Variants in LENG8 observed in about 807,000 individuals in gnomAD.
LENG8 encodes leukocyte receptor cluster member 8, also known as leukocyte receptor cluster (LRC) member 8.
A neutral mutation model predicts 102.1 loss-of-function variants in LENG8; 28 were observed. That is an observed-to-expected ratio of 0.27 (90% CI 0.20 to 0.38). The LOEUF is 0.38. LENG8 is among the 10% of genes least tolerant of loss of function. The probability of loss-of-function intolerance (pLI) is 1.00; values close to 1 mark genes in which losing one functional copy is unlikely to be tolerated. For missense variants in LENG8, 1,022 were observed against 1,113.9 expected (o/e 0.92, Z 1.17); for synonymous variants, 531 against 456.7 (o/e 1.16, Z -2.07).
At chr19:54,451,955 G>A (rs2083981572) in intron 2 of LENG8, 138 bp from the exon 3 acceptor site, 1 of 733,092 alleles carries the variant, frequency 1.4e-6, no homozygotes, top group Non-Finnish European at 2.2e-6. Context: ...TATCAGCATA[G>A]TACAGATTAG....
At chr19:54,454,835 G>A in intron 6 of LENG8, 116 bp from the exon 7 acceptor site, 1 of 1,461,524 alleles carries the variant, frequency 6.8e-7, no homozygotes, top group Non-Finnish European at 9.3e-7. Context: ...CATGTGTGCT[G>A]GAGCCCTCCT....
intron 15 of LENG8, 98 bp downstream of exon 15, chr19:54,458,619 C>G: frequency 6.4e-7 from 1 of 1,573,218 alleles, no homozygotes; most frequent in Non-Finnish European, 8.6e-7. Flanking sequence ...TCCCCCAGCC[C>G]CCAACCCTTG....
chr19:54,460,674 G>A, intron 15 of LENG8, 92 bp from the exon 16 acceptor site: 1 of 1,452,718 alleles, frequency 6.9e-7, no homozygotes, highest in South Asian at 1.5e-5. Flanking sequence ...GAAATCCTGT[G>A]GGCACCCGAA....
chr19:54,449,779 C>T (rs914203805), intron 1 of LENG8: 4 of 152,364 alleles, frequency 2.6e-5, no homozygotes, highest in East Asian at 1.9e-4. Context: ...CGTCTGATGC[C>T]TGTCTCTGTT....
chr19:54,457,858 G>A lies in LENG8; in HGVS notation c.1833+10G>A, dbSNP rs911610387. ...CCGGCAGGATCTGACGGTGAGACTCGCGCTGGGAGGGGCCTGGCCTCAGCC... is the reference window on the plus strand; with the variant it reads ...CCGGCAGGATCTGACGGTGAGACTCACGCTGGGAGGGGCCTGGCCTCAGCC... On this transcript the variant is annotated intron_variant, in intron 12 of 15. Transcript: ENST00000326764. 11 of 1,613,708 alleles carry A rather than the reference G, an allele frequency of 6.8e-6. No homozygotes were observed. Among genetic ancestry groups the A allele is most frequent in the Admixed American group, 6.7e-5 (4 of 60,030 alleles).
chr19:54,460,952 G>T lies in LENG8; in HGVS notation c.*24G>T, dbSNP rs764732051. ...GAGCACCCAGCGAGGAGGGGCGGGG[G>T]CAGGGGCTGCAGCCCCCAGCGCTGC... is the stretch of plus-strand genomic sequence containing the variant. On this transcript the variant is annotated 3_prime_UTR_variant, in exon 16 of 16. Coordinates refer to ENST00000326764, the MANE Select transcript of LENG8 (RefSeq NM_052925.4). 1.0e-5 allele frequency: 16 copies of T among 1,539,320 alleles called. No individual in the cohort carries two copies. In the South Asian group the frequency reaches 1.5e-4, roughly 15 times the overall value.
chr19:54,458,781 C>T (rs1424681041), intron 15 of LENG8: 2 of 1,551,112 alleles, frequency 1.3e-6, no homozygotes, highest in African/African-American at 2.7e-5. Flanking sequence ...CTCTTCTCCA[C>T]CCCATCTGTG....
In LENG8 at chr19:54,460,746, T is replaced by TTC; in HGVS notation, c.2241-17_2241-16dup. Reference sequence around the variant, plus strand: ...CCTCCCGCCCGCCCGCCTCATCACCTTCTCCTCTTGTCTCCATAGCTTCCG... The same window carrying TTC: ...CCTCCCGCCCGCCCGCCTCATCACCTTCTCTCCTCTTGTCTCCATAGCTTCCG... On this transcript the variant is annotated intron_variant, in intron 15 of 15. Transcript: ENST00000326764. 3.7e-6 allele frequency: 1 copy of TTC among 268,708 alleles called. No individual in the cohort carries two copies. The highest frequency in any genetic ancestry group is 5.7e-6 in the Non-Finnish European group (1 of 174,952). The allele number at this position is 268,708 out of a possible 1,614,324, so 16.6% of individuals were successfully genotyped here. A position where few individuals can be genotyped will look rare whatever the true frequency, so the allele number is the denominator to read the frequency against.
rs761478188 is a variant in LENG8 at position 54,457,919 on chromosome 19, G to A, written c.1834-15G>A. 2.3e-5 allele frequency: 37 copies of A among 1,613,750 alleles called. No homozygotes were observed. Among genetic ancestry groups the A allele is most frequent in the Non-Finnish European group, 2.8e-5 (33 of 1,179,998 alleles). ...CCCGCTCCTTGTGACTCTTGTTCTC[G>A]CCCCGCTGCCCCAGGTGCAGGGCAT... On this transcript the variant is annotated splice_polypyrimidine_tract_variant and intron_variant, in intron 12 of 15. Transcript: ENST00000326764.
chr19:54,457,888 C>G (rs769584657), intron 12 of LENG8, 40 bp downstream of exon 12: 1 of 1,613,628 alleles, frequency 6.2e-7, no homozygotes, highest in South Asian at 1.1e-5. Flanking sequence ...TCAGCCAGTC[C>G]TGCCTCCCGC....
chr19:54,452,567 C>T, intron 3 of LENG8, 84 bp from the exon 4 acceptor site: 1 of 1,122,790 alleles, frequency 8.9e-7, no homozygotes, highest in South Asian at 1.2e-5. Context: ...TGGCAATTGG[C>T]CACCAGTAAA....
rs769698205 is a variant in LENG8 at position 54,455,097 on chromosome 19, C to T, written c.821+5C>T. 7.4e-6 allele frequency: 12 copies of T among 1,614,168 alleles called. No homozygotes were observed. The highest frequency in any genetic ancestry group is 9.3e-6 in the Non-Finnish European group (11 of 1,180,004). ...TGAGAAAGTTCAGAACCACAGGTGA[C>T]GTCTGCCCCCTTGCCCCGTCGCAGC... On this transcript the variant is annotated splice_donor_5th_base_variant and intron_variant, in intron 7 of 15. Coordinates refer to ENST00000326764, the MANE Select transcript of LENG8 (RefSeq NM_052925.4).
At position 54,452,635 on chromosome 19, in the gene LENG8, G is replaced by T. The variant is rs570102297; in HGVS notation, c.214-16G>T. 3.3e-3 allele frequency: 3,900 copies of T among 1,179,644 alleles called. 17 individuals are homozygous for T. The highest frequency in any genetic ancestry group is 0.014 in the Middle Eastern group (70 of 4,832). The allele number at this position is 1,179,644 out of a possible 1,614,324, so 73.1% of individuals were successfully genotyped here. A position where few individuals can be genotyped will look rare whatever the true frequency, so the allele number is the denominator to read the frequency against. Reference sequence around the variant, plus strand: ...GATTTGGGCTGCTGACGGCACATGTGCCTCTGCTTCCACAGTACGTGTCCC... The same window carrying T: ...GATTTGGGCTGCTGACGGCACATGTTCCTCTGCTTCCACAGTACGTGTCCC... On this transcript the variant is annotated splice_polypyrimidine_tract_variant and intron_variant, in intron 3 of 15. Coordinates refer to ENST00000326764, the MANE Select transcript of LENG8 (RefSeq NM_052925.4).
rs748087868 is a variant in LENG8, at chr19:54,456,111, C to T, written c.1170C>T (p.Ala390=). The T allele has an allele frequency of 9.3e-6, 15 of 1,609,324 alleles. No homozygotes were observed. The highest frequency in any genetic ancestry group is 2.2e-5 in the East Asian group (1 of 44,786). Residue 390 remains alanine (A), a synonymous_variant, in exon 9 of 16, where the codon GCC becomes GCT. Coordinates refer to ENST00000326764, the MANE Select transcript of LENG8 (RefSeq NM_052925.4). ...SQRGTPGAGG[A]GRARGNSFTK... ...GAGGGACGCCCGGGGCTGGGGGTGCCGGTCGAGCCCGGGGCAACAGCTTCA... is the reference window on the plus strand; with the variant it reads ...GAGGGACGCCCGGGGCTGGGGGTGCTGGTCGAGCCCGGGGCAACAGCTTCA...
chr19:54,452,341 T>C, intron 3 of LENG8, 74 bp downstream of exon 3: 2 of 1,347,010 alleles, frequency 1.5e-6, no homozygotes, highest in Non-Finnish European at 2.0e-6. Flanking sequence ...CGTCCTGTTG[T>C]ATCATTCAGA....
At chr19:54,460,718 T>TGGCC in intron 15 of LENG8, 48 bp from the exon 16 acceptor site, 1 of 1,048,034 alleles carries the variant, frequency 9.5e-7, no homozygotes, top group Non-Finnish European at 1.3e-6. Flanking sequence ...GGCCCTCCCC[T>TGGCC]GCCCTCCCGC....
intron 15 of LENG8, chr19:54,458,789 G>C (rs2084387139): frequency 1.3e-6 from 2 of 1,550,982 alleles, no homozygotes; most frequent in African/African-American, 1.4e-5. Flanking sequence ...CACCCCATCT[G>C]TGTGTCTCTT....
rs777472313 is a variant in LENG8, at chr19:54,456,729, A to G, written c.1539A>G (p.Ala513=). 12 of 1,612,712 alleles carry G rather than the reference A, an allele frequency of 7.4e-6. No homozygotes were observed. The highest frequency in any genetic ancestry group is 1.0e-5 in the Non-Finnish European group (12 of 1,179,612). Residue 513 remains alanine, a synonymous_variant, in exon 11 of 16, where the codon GCA becomes GCG. Coordinates refer to ENST00000326764, the MANE Select transcript of LENG8 (RefSeq NM_052925.4). ...PERELKKQKR[A]ARFQHGHSRR... ...GAGAGCTGAAGAAGCAGAAGCGGGC[A>G]GCCCGCTTCCAGCACGGACACTCCC...
chr19:54,456,754 C>T lies in LENG8; in HGVS notation c.1564C>T (p.Arg522Cys), dbSNP rs868319509. 27 of 1,611,052 alleles carry T rather than the reference C, an allele frequency of 1.7e-5. No homozygotes were observed. The highest frequency in any genetic ancestry group is 6.7e-5 in the East Asian group (3 of 44,764). The change falls in exon 11 of 16, where the codon CGC (arginine) becomes TGC (cysteine). Residue 522 changes from arginine to cysteine, a missense_variant. Coordinates refer to ENST00000326764, the MANE Select transcript of LENG8 (RefSeq NM_052925.4). ...AGCCCGCTTCCAGCACGGACACTCC[C>T]GCCGCCTGCGCCTCGAGCCCCTGGT... ...RAARFQHGHS[R>C]RLRLEPLVLQ... is the part of the protein sequence containing the mutation.
Sources: gnomAD v4.1 joint callset for allele counts on GRCh38, gnomAD v4.1.1 for gene constraint, MANE v1.5 for transcripts, NCBI Gene and HGNC (gene_info 2026-07-23, HGNC 2026-07-21) for gene names.